The following ASTN2 variants were observed in gnomAD, a reference collection of about 807,000 sequenced individuals.
ASTN2 encodes astrotactin 2.
In ASTN2, 54 loss-of-function variants were observed where a neutral mutation model predicts 139.8. The ratio of observed to expected loss-of-function variants is 0.39; its 90% CI spans 0.31 to 0.48. ASTN2 has a LOEUF of 0.48. Ranked by LOEUF, ASTN2 falls within the 20% of genes least tolerant of loss-of-function variation. The pLI is 0.95. For missense variants in ASTN2, 1,565 were observed against 1,725.1 expected (o/e 0.91, Z 1.64); for synonymous variants, 756 against 719.5 (o/e 1.05, Z -0.81).
intron 10 of ASTN2, among the ~76,000 whole-genome samples, chr9:116,932,655 T>C (rs1467946794): frequency 6.6e-6 from 1 of 151,628 alleles, no homozygotes; most frequent in African/African-American, 2.4e-5. Flanking sequence ...GAACCTGGAG[T>C]TCTGCATGGA....
At chr9:116,846,337 T>C (rs1832430169) in intron 11 of ASTN2, among the ~76,000 whole-genome samples, 1 of 152,182 alleles carries the variant, frequency 6.6e-6, no homozygotes. Flanking sequence ...AGGAGATAAA[T>C]TTTATGTTAT....
intron 5 of ASTN2, among the ~76,000 whole-genome samples, chr9:117,094,214 G>GAGGAA (rs368811542): frequency 0.076 from 6,724 of 88,246 alleles, 395 homozygotes; most frequent in East Asian, 0.24. Context: ...GAGGAGAGGA[G>GAGGAA]AGGAAAGGAA....
At chr9:116,765,841 A>G (rs1316268433) in intron 13 of ASTN2, among the ~76,000 whole-genome samples, 2 of 152,180 alleles carry the variant, frequency 1.3e-5, no homozygotes. Context: ...CCACTAAAAT[A>G]TGAAGGTGGT....
At chr9:116,750,647 C>T (rs984206626) in intron 13 of ASTN2, among the ~76,000 whole-genome samples, 2 of 152,172 alleles carry the variant, frequency 1.3e-5, no homozygotes, top group African/African-American at 2.4e-5. Flanking sequence ...AATATTCGCA[C>T]GTGCTTTCTG....
intron 2 of ASTN2, among the ~76,000 whole-genome samples, chr9:117,263,759 C>A (rs554568934): frequency 6.6e-6 from 1 of 152,330 alleles, no homozygotes; most frequent in Admixed American, 6.5e-5. Context: ...CCTGGACACA[C>A]TTGATGTTCA....
chr9:117,193,449 C>A (rs1831401845), intron 3 of ASTN2, among the ~76,000 whole-genome samples: 1 of 151,780 alleles, frequency 6.6e-6, no homozygotes, highest in Admixed American at 6.6e-5. Context: ...ACCATCCTGG[C>A]CAACATGGTG....
chr9:116,993,619 T>C (rs1209318078), intron 7 of ASTN2, among the ~76,000 whole-genome samples: 6 of 148,882 alleles, frequency 4.0e-5, no homozygotes, highest in Non-Finnish European at 5.9e-5. Flanking sequence ...CTATATACAG[T>C]ATCTATATAT....
intron 1 of ASTN2, among the ~76,000 whole-genome samples, chr9:117,298,732 G>A (rs10983611): frequency 0.08 from 8,931 of 111,750 alleles, 332 homozygotes; most frequent in South Asian, 0.16. Flanking sequence ...GTGTGTGTGT[G>A]TATATATATA....
intron 19 of ASTN2, among the ~76,000 whole-genome samples, chr9:116,499,458 C>T (rs1052715824): frequency 1.3e-5 from 2 of 152,170 alleles, no homozygotes; most frequent in African/African-American, 2.4e-5. Context: ...TCACTCTTTG[C>T]CTTCACCTGG....
chr9:116,697,661 G>T, intron 16 of ASTN2: 3 of 1,558,420 alleles, frequency 1.9e-6, no homozygotes, highest in Middle Eastern at 1.7e-4. Context: ...TTTCTCTTTA[G>T]CAGGAATTTG....
intron 5 of ASTN2, among the ~76,000 whole-genome samples, chr9:117,055,868 G>T (rs1296366193): frequency 6.6e-6 from 1 of 152,216 alleles, no homozygotes; most frequent in Non-Finnish European, 1.5e-5. Flanking sequence ...ATGCAAGAAG[G>T]TAAATGTTAT....
At chr9:116,890,810 G>T (rs1020998113) in intron 10 of ASTN2, among the ~76,000 whole-genome samples, 1 of 152,152 alleles carries the variant, frequency 6.6e-6, no homozygotes, top group African/African-American at 2.4e-5. Context: ...AGTGGCAGGG[G>T]GGTGGAGCGG....
At chr9:117,336,692 T>C (rs1828894783) in intron 1 of ASTN2, among the ~76,000 whole-genome samples, 1 of 152,180 alleles carries the variant, frequency 6.6e-6, no homozygotes, top group East Asian at 1.9e-4. Context: ...TTGCCTAAAA[T>C]GTTTGATTCT....
chr9:117,051,243 T>C (rs1564402067), intron 5 of ASTN2, among the ~76,000 whole-genome samples: 1 of 152,122 alleles, frequency 6.6e-6, no homozygotes, highest in Non-Finnish European at 1.5e-5. Flanking sequence ...AAAATGATGA[T>C]GATAACCCTT....
chr9:117,324,854 G>A (rs1828459404), intron 1 of ASTN2, among the ~76,000 whole-genome samples: 1 of 152,068 alleles, frequency 6.6e-6, no homozygotes, highest in Non-Finnish European at 1.5e-5. Flanking sequence ...AACAGTTTAA[G>A]GAGGGATGAG....
chr9:116,539,662 A>T (rs551740320), intron 19 of ASTN2, among the ~76,000 whole-genome samples: 10 of 152,298 alleles, frequency 6.6e-5, no homozygotes, highest in African/African-American at 2.4e-4. Flanking sequence ...TCAATCTAAT[A>T]ACCTGGACGG....
At chr9:116,675,736 A>G (rs1456644051) in intron 16 of ASTN2, among the ~76,000 whole-genome samples, 1 of 152,018 alleles carries the variant, frequency 6.6e-6, no homozygotes, top group East Asian at 1.9e-4. Flanking sequence ...AACCCTCCTT[A>G]TTTGTCTAGT....
chr9:117,108,532 A>G (rs1829166652), intron 4 of ASTN2, among the ~76,000 whole-genome samples: 1 of 149,268 alleles, frequency 6.7e-6, no homozygotes, highest in Non-Finnish European at 1.5e-5. Flanking sequence ...TGCACTGGGA[A>G]GTGAAACAGA....
At chr9:117,124,774 C>T (rs1277398842) in intron 4 of ASTN2, among the ~76,000 whole-genome samples, 7 of 149,114 alleles carry the variant, frequency 4.7e-5, no homozygotes, top group African/African-American at 1.5e-4. Context: ...CACTGCATTC[C>T]AGCATGGGTG....
Sources: gnomAD v4.1 joint callset for allele counts (sites outside exome capture counted in the v4.1 genomes callset) on GRCh38, gnomAD v4.1.1 for gene constraint, MANE v1.5 for transcripts, NCBI Gene and HGNC (gene_info 2026-07-23, HGNC 2026-07-21) for gene names.